The following PDSS2 variants were observed in gnomAD, a reference collection of about 807,000 sequenced individuals.
PDSS2 encodes the protein decaprenyl diphosphate synthase subunit 2.
In PDSS2, 31 loss-of-function variants were observed where a neutral mutation model predicts 44.5. That is an observed-to-expected ratio of 0.70 (90% CI 0.52 to 0.94). PDSS2 has a LOEUF of 0.94. PDSS2 is among the 40% of genes least tolerant of loss of function. The pLI is 0.00. For synonymous variants in PDSS2, 157 were observed against 180.3 expected (o/e 0.87, Z 1.03); for missense variants, 452 against 482.2 (o/e 0.94, Z 0.59).
chr6:107,390,513 T>A (rs967186815), intron 1 of PDSS2, among the ~76,000 whole-genome samples: 1 of 152,096 alleles, frequency 6.6e-6, no homozygotes, highest in Admixed American at 6.5e-5. Flanking sequence ...ATATTACATC[T>A]AAACGTAATG....
chr6:107,299,990 T>C (rs1156432844), intron 2 of PDSS2, among the ~76,000 whole-genome samples: 2 of 152,010 alleles, frequency 1.3e-5, no homozygotes, highest in African/African-American at 2.4e-5. Flanking sequence ...CTCTCAAAAC[T>C]ACATGAAACC....
At chr6:107,235,771 G>A (rs1347695883) in intron 4 of PDSS2, among the ~76,000 whole-genome samples, 1 of 152,112 alleles carries the variant, frequency 6.6e-6, no homozygotes, top group Admixed American at 6.6e-5. Context: ...TTAGTAGACA[G>A]GGATATTAAA....
At chr6:107,417,625 T>C (rs1780702155) in intron 1 of PDSS2, among the ~76,000 whole-genome samples, 1 of 152,076 alleles carries the variant, frequency 6.6e-6, no homozygotes, top group Admixed American at 6.5e-5. Flanking sequence ...CTGGGCACGG[T>C]GGCGCAGCCT....
At chr6:107,429,777 C>T (rs1042923702) in intron 1 of PDSS2, among the ~76,000 whole-genome samples, 7 of 148,524 alleles carry the variant, frequency 4.7e-5, no homozygotes, top group Non-Finnish European at 7.4e-5. Context: ...CCAGCTACTT[C>T]GGAGGCTGAG....
chr6:107,385,925 G>A (rs1447693250), intron 1 of PDSS2, among the ~76,000 whole-genome samples: 2 of 152,024 alleles, frequency 1.3e-5, no homozygotes, highest in Non-Finnish European at 2.9e-5. Context: ...ACAGTAACAT[G>A]TCTATAGAAA....
At chr6:107,380,511 T>A (rs1301482049) in intron 1 of PDSS2, among the ~76,000 whole-genome samples, 1 of 152,184 alleles carries the variant, frequency 6.6e-6, no homozygotes, top group Non-Finnish European at 1.5e-5. Flanking sequence ...CCTTGCCAAA[T>A]GCATGAGGGG....
chr6:107,349,276 CA>C (rs567650394), intron 1 of PDSS2, among the ~76,000 whole-genome samples: 14 of 151,968 alleles, frequency 9.2e-5, no homozygotes, highest in African/African-American at 2.9e-4. Context: ...ACTAAAAATA[CA>C]AAAAAATTAG....
At chr6:107,458,623 C>A (rs749136726) in intron 1 of PDSS2, among the ~76,000 whole-genome samples, 21 of 151,052 alleles carry the variant, frequency 1.4e-4, no homozygotes, top group Non-Finnish European at 2.7e-4. Flanking sequence ...CTGAACAGTG[C>A]GGGACAGAAA....
intron 1 of PDSS2, among the ~76,000 whole-genome samples, chr6:107,339,560 G>A (rs956218015): frequency 6.6e-6 from 1 of 152,150 alleles, no homozygotes; most frequent in Non-Finnish European, 1.5e-5. Flanking sequence ...CGAATCATGA[G>A]GACGTGTAAA....
intron 2 of PDSS2, among the ~76,000 whole-genome samples, chr6:107,281,302 T>C (rs976306723): frequency 6.6e-6 from 1 of 152,200 alleles, no homozygotes; most frequent in African/African-American, 2.4e-5. Context: ...CTGCATCAGC[T>C]CTGATGTGTC....
chr6:107,367,833 C>A (rs1243787389), intron 1 of PDSS2, among the ~76,000 whole-genome samples: 2 of 147,164 alleles, frequency 1.4e-5, no homozygotes, highest in African/African-American at 5.0e-5. Flanking sequence ...TTAAAGACAT[C>A]CAGATAGTAA....
chr6:107,368,743 A>C (rs1267031595), intron 1 of PDSS2, among the ~76,000 whole-genome samples: 3 of 152,110 alleles, frequency 2.0e-5, no homozygotes, highest in Non-Finnish European at 1.5e-5. Flanking sequence ...AGGAGGCTGC[A>C]GTGAGATGTG....
intron 7 of PDSS2, among the ~76,000 whole-genome samples, chr6:107,168,339 C>T (rs1385540663): frequency 1.3e-5 from 2 of 152,156 alleles, no homozygotes; most frequent in African/African-American, 4.8e-5. Context: ...GTAGATCTTC[C>T]TCCATCCCTT....
intron 1 of PDSS2, among the ~76,000 whole-genome samples, chr6:107,357,167 C>T (rs888739518): frequency 6.6e-6 from 1 of 152,094 alleles, no homozygotes; most frequent in Admixed American, 6.5e-5. Flanking sequence ...TGCTAGGACA[C>T]AGCATCACAG....
chr6:107,388,647 A>T (rs569507554), intron 1 of PDSS2, among the ~76,000 whole-genome samples: 3 of 152,166 alleles, frequency 2.0e-5, no homozygotes, highest in African/African-American at 7.2e-5. Flanking sequence ...TTTAGTAGAG[A>T]CGGGGTTTCA....
At chr6:107,451,881 G>A (rs555378812) in intron 1 of PDSS2, among the ~76,000 whole-genome samples, 1 of 152,172 alleles carries the variant, frequency 6.6e-6, no homozygotes, top group East Asian at 1.9e-4. Context: ...CTCAGGGCCT[G>A]GTGTTGGGCC....
chr6:107,307,429 C>A (rs1009181281), intron 2 of PDSS2, among the ~76,000 whole-genome samples: 1 of 152,224 alleles, frequency 6.6e-6, no homozygotes, highest in Middle Eastern at 3.4e-3. Flanking sequence ...ATTGAAACTA[C>A]GCATTCAAAT....
intron 1 of PDSS2, among the ~76,000 whole-genome samples, chr6:107,407,138 T>A (rs1043886570): frequency 1.3e-5 from 2 of 152,224 alleles, no homozygotes; most frequent in Non-Finnish European, 2.9e-5. Flanking sequence ...GAAATTCTGA[T>A]ATATGCTACA....
intron 7 of PDSS2, among the ~76,000 whole-genome samples, chr6:107,183,382 C>T (rs1772053504): frequency 6.6e-6 from 1 of 152,000 alleles, no homozygotes; most frequent in African/African-American, 2.4e-5. Context: ...ATAGTTATCA[C>T]TAAAATAGAA....
Sources: allele counts gnomAD v4.1 joint callset (sites outside exome capture counted in the v4.1 genomes callset), GRCh38; gene constraint gnomAD v4.1.1; transcripts MANE v1.5; gene names NCBI Gene and HGNC (gene_info 2026-07-23, HGNC 2026-07-21).